Variants in RNLS observed in about 807,000 individuals in gnomAD.
RNLS encodes the protein renalase, FAD dependent amine oxidase.
Under a neutral mutation model 39.8 loss-of-function variants are expected in RNLS, and 39 were observed. The ratio of observed to expected loss-of-function variants is 0.98; its 90% CI spans 0.76 to 1.28. The LOEUF is 1.28. Ranked by LOEUF, RNLS falls within the 50% of genes most tolerant of loss-of-function variation. The pLI is 0.00. For missense variants in RNLS, 410 were observed against 413.3 expected, an observed-to-expected ratio of 0.99 and a Z score of 0.07; for synonymous variants, 147 against 150.7, an observed-to-expected ratio of 0.98 and a Z score of 0.18.
chr10:88,492,659 T>C (rs1167214368), intron 4 of RNLS, among the ~76,000 whole-genome samples: 1 of 152,104 alleles, frequency 6.6e-6, no homozygotes, highest in East Asian at 1.9e-4. Context: ...CCTCAAGTAA[T>C]CCACCCACCT....
At chr10:88,564,991 AAGAG>A (rs771011376) in intron 4 of RNLS, among the ~76,000 whole-genome samples, 1 of 152,172 alleles carries the variant, frequency 6.6e-6, no homozygotes, top group African/African-American at 2.4e-5. Context: ...TATGATTAGA[AAGAG>A]AGAGAAAGAG....
At position 88,284,168 on chromosome 10, in the gene RNLS, T is replaced by C. The variant is rs1843123263; in HGVS notation, c.*1186A>G. 7.1e-6 allele frequency: 7 copies of C among 985,378 alleles called. No homozygotes were observed. Among genetic ancestry groups the C allele is most frequent in the Non-Finnish European group, 8.4e-6 (7 of 829,892 alleles). The allele number at this position is 985,378 out of a possible 1,614,324, so 61.0% of individuals were successfully genotyped here. ...CATATAATAATATGCTATAGGGTCA[T>C]AAAACCCACTTTGCAGCTATAGAAG... On this transcript the variant is annotated 3_prime_UTR_variant, in exon 7 of 7. Coordinates refer to ENST00000331772, the MANE Select transcript of RNLS (RefSeq NM_001031709.3).
intron 4 of RNLS, among the ~76,000 whole-genome samples, chr10:88,411,522 G>GA (rs1564777765): frequency 7.0e-6 from 1 of 142,482 alleles, no homozygotes; most frequent in East Asian, 2.0e-4. Context: ...CCCATCTTCT[G>GA]TTTTTTTTTT....
At chr10:88,514,465 A>C (rs1846303574) in intron 4 of RNLS, among the ~76,000 whole-genome samples, 1 of 152,098 alleles carries the variant, frequency 6.6e-6, no homozygotes, top group African/African-American at 2.4e-5. Context: ...TTAAATGTAC[A>C]ATACAATATT....
intron 4 of RNLS, among the ~76,000 whole-genome samples, chr10:88,531,815 G>C (rs1192850969): frequency 6.6e-6 from 1 of 152,068 alleles, no homozygotes; most frequent in African/African-American, 2.4e-5. Flanking sequence ...CTCTGGTGTA[G>C]AATTTCTTTG....
intron 4 of RNLS, among the ~76,000 whole-genome samples, chr10:88,466,641 G>A (rs1843223394): frequency 6.6e-6 from 1 of 152,084 alleles, no homozygotes; most frequent in Non-Finnish European, 1.5e-5. Flanking sequence ...TCCCACCCTA[G>A]TTCTGCACAG....
chr10:88,293,562 A>G (rs1427073893), intron 6 of RNLS, among the ~76,000 whole-genome samples: 11 of 152,000 alleles, frequency 7.2e-5, no homozygotes, highest in Non-Finnish European at 1.0e-4. Flanking sequence ...TTGTAACTTT[A>G]TTTTTGGGTT....
At chr10:88,237,245 C>G in the RNLS span, among the ~76,000 whole-genome samples, 2 of 123,440 alleles carry the variant, frequency 1.6e-5, no homozygotes, top group Admixed American at 9.3e-5. Flanking sequence ...TCCCTCCCTT[C>G]CTTCCTTCCC....
chr10:88,252,399 C>T, the RNLS span, among the ~76,000 whole-genome samples: 1 of 152,054 alleles, frequency 6.6e-6, no homozygotes, highest in South Asian at 2.1e-4. Context: ...GTGTCCAATC[C>T]CTTACCCCCA....
At chr10:88,342,045 A>G (rs929316909) in intron 5 of RNLS, among the ~76,000 whole-genome samples, 1 of 152,214 alleles carries the variant, frequency 6.6e-6, no homozygotes, top group African/African-American at 2.4e-5. Context: ...TGGTTTTACC[A>G]TTACTTTTAA....
intron 6 of RNLS, chr10:88,275,048 A>T (rs376031851): frequency 3.7e-6 from 6 of 1,605,284 alleles, no homozygotes; most frequent in Non-Finnish European, 4.3e-6. Flanking sequence ...AATCAAAGGA[A>T]TATCCTTCAA....
rs541301782 is a variant in RNLS at position 88,435,020 on chromosome 10, A to G, written c.527-72295T>C. ...AAGACTGGAGGAAACTGTGCCCCCA[A>G]ATACAAGCAGAAGAGCACTTTGTAA... On this transcript the variant is annotated intron_variant, in intron 4 of 6. Transcript: ENST00000331772. Among the ~76,000 whole-genome samples, 9 of 152,102 alleles carry G rather than the reference A, an allele frequency of 5.9e-5. No individual in the cohort carries two copies. The South Asian group carries it at 1.9e-3, about 32-fold the overall frequency.
At chr10:88,331,979 C>G (rs939454765) in intron 5 of RNLS, among the ~76,000 whole-genome samples, 1 of 152,150 alleles carries the variant, frequency 6.6e-6, no homozygotes, top group Admixed American at 6.5e-5. Context: ...CTCCTGATGT[C>G]TCTCTCTCCT....
At chr10:88,464,797 T>C (rs1325853059) in intron 4 of RNLS, among the ~76,000 whole-genome samples, 3 of 151,730 alleles carry the variant, frequency 2.0e-5, no homozygotes, top group Admixed American at 6.6e-5. Flanking sequence ...TGAACGTCAG[T>C]GAAAATGGAC....
At chr10:88,339,791 A>G (rs778732144) in intron 5 of RNLS, among the ~76,000 whole-genome samples, 1 of 152,222 alleles carries the variant, frequency 6.6e-6, no homozygotes, top group East Asian at 1.9e-4. Context: ...ATATATAGAA[A>G]TAAGTTCTGC....
chr10:88,268,256 C>G, the RNLS span, among the ~76,000 whole-genome samples: 1 of 152,162 alleles, frequency 6.6e-6, no homozygotes, highest in Non-Finnish European at 1.5e-5. Flanking sequence ...TCCCATACCT[C>G]TCAAGACCAT....
At chr10:88,429,712 C>T (rs556417438) in intron 4 of RNLS, among the ~76,000 whole-genome samples, 1 of 151,978 alleles carries the variant, frequency 6.6e-6, no homozygotes, top group Admixed American at 6.6e-5. Context: ...ATAAAGATCA[C>T]AGTTCAGCTT....
intron 4 of RNLS, among the ~76,000 whole-genome samples, chr10:88,564,164 G>A (rs572355190): frequency 1.1e-4 from 16 of 152,140 alleles, no homozygotes; most frequent in East Asian, 9.6e-4. Flanking sequence ...GATCTTCTCC[G>A]CTTTTATTAC....
chr10:88,562,386 T>G (rs968199949), intron 4 of RNLS, among the ~76,000 whole-genome samples: 3 of 152,190 alleles, frequency 2.0e-5, no homozygotes, highest in Non-Finnish European at 4.4e-5. Context: ...GATGTTTATC[T>G]AAAATAATGT....
Sources: allele counts gnomAD v4.1 joint callset (sites outside exome capture counted in the v4.1 genomes callset), GRCh38; gene constraint gnomAD v4.1.1; transcripts MANE v1.5; gene names NCBI Gene and HGNC (gene_info 2026-07-23, HGNC 2026-07-21).